The following RELN variants were observed in gnomAD, a reference collection of about 807,000 sequenced individuals.
RELN encodes the protein reelin.
Under a neutral mutation model 427.6 loss-of-function variants are expected in RELN, and 108 were observed. The observed-to-expected ratio is 0.25, with a 90% CI of 0.22 to 0.30. The LOEUF (loss-of-function observed/expected upper bound fraction) is 0.30, where lower values mean the gene tolerates loss of function less well. RELN is among the 10% of genes least tolerant of loss of function. The pLI is 1.00. For missense variants in RELN, 3,715 were observed against 4,302.8 expected, an observed-to-expected ratio of 0.86 and a Z score of 3.82; for synonymous variants, 1,524 against 1,513.4, an observed-to-expected ratio of 1.01 and a Z score of -0.16.
At chr7:103,756,612 T>TA (rs1320547098) in intron 4 of RELN, among the ~76,000 whole-genome samples, 7 of 152,154 alleles carry the variant, frequency 4.6e-5, no homozygotes, top group Non-Finnish European at 1.0e-4. Flanking sequence ...TCCAAACCTT[T>TA]AAAAAATGCC....
At chr7:103,986,524 T>C (rs1797100360) in intron 1 of RELN, among the ~76,000 whole-genome samples, 1 of 151,438 alleles carries the variant, frequency 6.6e-6, no homozygotes, top group African/African-American at 2.4e-5. Context: ...CATTCTGAGC[T>C]CTGCCACACA....
intron 2 of RELN, among the ~76,000 whole-genome samples, chr7:103,887,828 T>A (rs1351643835): frequency 1.3e-5 from 2 of 152,134 alleles, no homozygotes; most frequent in Non-Finnish European, 2.9e-5. Context: ...GCACCAGAAC[T>A]GGGGAAGTTC....
chr7:103,905,165 G>C (rs187834), intron 2 of RELN, among the ~76,000 whole-genome samples: 3 of 151,674 alleles, frequency 2.0e-5, no homozygotes. Context: ...ATTTTTAGTA[G>C]AGACAGGGTT....
At chr7:103,480,426 G>C (rs889733439) in intron 63 of RELN, among the ~76,000 whole-genome samples, 1 of 152,150 alleles carries the variant, frequency 6.6e-6, no homozygotes, top group Non-Finnish European at 1.5e-5. Context: ...TTATTTTGTA[G>C]AGCTACTAAT....
At chr7:103,751,157 G>T (rs1790988847) in intron 5 of RELN, among the ~76,000 whole-genome samples, 2 of 152,098 alleles carry the variant, frequency 1.3e-5, no homozygotes, top group African/African-American at 2.4e-5. Flanking sequence ...ACTTCTTTGG[G>T]TCTTGACAAT....
intron 2 of RELN, among the ~76,000 whole-genome samples, chr7:103,890,700 C>T (rs1214661433): frequency 3.3e-5 from 5 of 152,110 alleles, no homozygotes; most frequent in African/African-American, 9.7e-5. Context: ...GCAATCAAGC[C>T]TCCTATATAA....
Position 103,535,499 on chromosome 7 carries a change from A to G in RELN, c.7181-15T>C, listed in dbSNP as rs1373818789. On this transcript the variant is annotated splice_polypyrimidine_tract_variant and intron_variant, in intron 45 of 64. Coordinates refer to ENST00000428762, the MANE Select transcript of RELN (RefSeq NM_005045.4). ...CAATTCAATCGCTGAAACAGGAAACATTATTTTGGATATAAACACATATCT... is the reference window on the plus strand; with the variant it reads ...CAATTCAATCGCTGAAACAGGAAACGTTATTTTGGATATAAACACATATCT... 2 of 1,611,128 alleles carry G rather than the reference A, an allele frequency of 1.2e-6. No homozygotes were observed. The highest frequency in any genetic ancestry group is 1.1e-5 in the South Asian group (1 of 91,014).
At chr7:103,786,653 T>C (rs531951687) in intron 3 of RELN, among the ~76,000 whole-genome samples, 191 of 152,188 alleles carry the variant, frequency 1.3e-3, no homozygotes, top group African/African-American at 4.3e-3. Context: ...AAGAGCTAAC[T>C]ATCCTAAATA....
Position 103,650,170 on chromosome 7 carries a change from G to C in RELN, c.2002+104C>G. Reference sequence around the variant, plus strand: ...TGGAAGAAAGGGTGTTTAATGAATTGCAAGACCATGACTTAGAAATGTGAT... The same window carrying C: ...TGGAAGAAAGGGTGTTTAATGAATTCCAAGACCATGACTTAGAAATGTGAT... On this transcript the variant is annotated intron_variant, in intron 16 of 64. Transcript: ENST00000428762. 4 of 785,614 alleles carry C rather than the reference G, an allele frequency of 5.1e-6. No individual in the cohort carries two copies. The South Asian group carries it at 5.6e-5, about 11-fold the overall frequency. The allele number at this position is 785,614 out of a possible 1,614,324, so 48.7% of individuals were successfully genotyped here.
intron 1 of RELN, among the ~76,000 whole-genome samples, chr7:103,960,391 C>G (rs1462454221): frequency 6.6e-6 from 1 of 152,196 alleles, no homozygotes; most frequent in African/African-American, 2.4e-5. Context: ...ATTCACATAT[C>G]ACCTTTGGCG....
chr7:103,953,907 G>C lies in RELN; in HGVS notation c.226+35224C>G, dbSNP rs1470958773. Among the ~76,000 whole-genome samples, 8 of 152,050 alleles carry C rather than the reference G, an allele frequency of 5.3e-5. No individual in the cohort carries two copies. Among genetic ancestry groups the C allele is most frequent in the Non-Finnish European group, 1.2e-4 (8 of 68,010 alleles). On this transcript the variant is annotated intron_variant, in intron 1 of 64. Coordinates refer to ENST00000428762, the MANE Select transcript of RELN (RefSeq NM_005045.4). The surrounding 1 kb of genome is among the most constrained non-coding windows in gnomAD (Gnocchi z 4.3). ...AGACCGTGCCACTACATGCCAGGCT[G>C]TGCGGCAGAGCAAGACTCCATCTCA...
At chr7:103,745,607 T>C (rs1486148390) in intron 6 of RELN, among the ~76,000 whole-genome samples, 1 of 151,518 alleles carries the variant, frequency 6.6e-6, no homozygotes, top group Non-Finnish European at 1.5e-5. Context: ...TCACAAGCAT[T>C]CTTATGCACC....
intron 63 of RELN, 84 bp downstream of exon 63, chr7:103,482,789 T>G: frequency 6.2e-7 from 1 of 1,606,140 alleles, no homozygotes; most frequent in South Asian, 1.1e-5. Context: ...AAAACGGATC[T>G]TACTGAATTA....
chr7:103,864,395 A>G (rs899686014), intron 2 of RELN, among the ~76,000 whole-genome samples: 3 of 152,334 alleles, frequency 2.0e-5, no homozygotes, highest in East Asian at 1.9e-4. Flanking sequence ...GCACACCTCT[A>G]GAAGTTACTC....
At chr7:103,796,895 GAAAGAAAGAA>G (rs1563018917) in intron 3 of RELN, among the ~76,000 whole-genome samples, 13 of 105,808 alleles carry the variant, frequency 1.2e-4, no homozygotes, top group Middle Eastern at 6.9e-3. Context: ...AAAAAAAAAA[GAAAGAAAGAA>G]AAAGAAAAAG....
chr7:103,760,356 T>A (rs1000601198), intron 4 of RELN, among the ~76,000 whole-genome samples: 1 of 152,072 alleles, frequency 6.6e-6, no homozygotes, highest in Non-Finnish European at 1.5e-5. Flanking sequence ...GAAGTAGGCA[T>A]ATTAGAAAGA....
At position 103,963,134 on chromosome 7, in the gene RELN, C is replaced by CTTTTT. The variant is rs61170235; in HGVS notation, c.226+25992_226+25996dup. Among the ~76,000 whole-genome samples the CTTTTT allele has an allele frequency of 5.7e-5, 8 of 139,308 alleles. 1 individual carries two copies. The highest frequency in any genetic ancestry group is 9.1e-5 in the Non-Finnish European group (6 of 65,832). The allele number at this position is 139,308 out of a possible 152,430, so 91.4% of individuals were successfully genotyped here. ...TCTCTCTCTCTCCTCTTTTCGCCTT[C>CTTTTT]TTTTTTTTTTCTCATTGGCGCTTTC... is the stretch of plus-strand genomic sequence containing the variant. On this transcript the variant is annotated intron_variant, in intron 1 of 64. Transcript: ENST00000428762.
chr7:103,620,433 C>T lies in RELN; in HGVS notation c.2703-8630G>A, dbSNP rs982045305. Among the ~76,000 whole-genome samples the T allele has an allele frequency of 2.6e-5, 4 of 151,526 alleles. No individual in the cohort carries two copies. Among genetic ancestry groups the T allele is most frequent in the Admixed American group, 1.3e-4 (2 of 15,188 alleles). On this transcript the variant is annotated intron_variant, in intron 20 of 64. Transcript: ENST00000428762. The surrounding 1 kb of genome is among the most constrained non-coding windows in gnomAD (Gnocchi z 4.1). Reference sequence around the variant, plus strand: ...TTTTCTTATGTTGCATCCACATTATCTCCAGATTCGATTTTGGTTGAAGAT... The same window carrying T: ...TTTTCTTATGTTGCATCCACATTATTTCCAGATTCGATTTTGGTTGAAGAT...
At chr7:103,922,515 T>C (rs1391161458) in intron 1 of RELN, among the ~76,000 whole-genome samples, 2 of 152,152 alleles carry the variant, frequency 1.3e-5, no homozygotes, top group Non-Finnish European at 1.5e-5. Flanking sequence ...CTGTGTTAAA[T>C]TGGCAATGAG....
Sources: allele counts gnomAD v4.1 joint callset (sites outside exome capture counted in the v4.1 genomes callset), GRCh38; gene constraint gnomAD v4.1.1; non-coding constraint Gnocchi (gnomAD v3.1); transcripts MANE v1.5; gene names NCBI Gene and HGNC (gene_info 2026-07-23, HGNC 2026-07-21).